Variants in PLEKHH2 observed in about 807,000 individuals in gnomAD.
PLEKHH2 encodes the protein pleckstrin homology domain-containing family H member 2.
Under a neutral mutation model 187.9 loss-of-function variants are expected in PLEKHH2, and 129 were observed. The ratio of observed to expected loss-of-function variants is 0.69; its 90% confidence interval spans 0.59 to 0.79. The LOEUF (loss-of-function observed/expected upper bound fraction) is 0.79, where lower values mean the gene tolerates loss of function less well. Among genes scored for constraint, PLEKHH2 ranks in the 30% least tolerant of loss-of-function variants. The probability of loss-of-function intolerance (pLI) is 0.00; values close to 1 mark genes in which losing one functional copy is unlikely to be tolerated. For synonymous variants in PLEKHH2, 686 were observed against 605.6 expected, an observed-to-expected ratio of 1.13 and a Z score of -1.95; for missense variants, 2,076 against 1,751.2, an observed-to-expected ratio of 1.19 and a Z score of -3.31.
intron 1 of PLEKHH2, among the ~76,000 whole-genome samples, chr2:43,638,236 G>C (rs953604734): frequency 6.7e-6 from 1 of 148,788 alleles, no homozygotes; most frequent in Non-Finnish European, 1.5e-5. Context: ...GTCTCGTCGA[G>C]AAAGATCTTT....
At position 43,692,691 on chromosome 2, in the gene PLEKHH2, A is replaced by T. The variant is rs377246252; in HGVS notation, c.336+28A>T. Reference sequence around the variant, plus strand: ...TAGGAAGAATTTGATAAAGAGTTCTAAGTGTGTGCACTCATTTGTGCATAA... The same window carrying T: ...TAGGAAGAATTTGATAAAGAGTTCTTAGTGTGTGCACTCATTTGTGCATAA... On this transcript the variant is annotated intron_variant, in intron 4 of 29. Coordinates refer to ENST00000282406, the MANE Select transcript of PLEKHH2 (RefSeq NM_172069.4). 5.6e-6 allele frequency: 9 copies of T among 1,599,468 alleles called. No individual in the cohort carries two copies. The African/African-American group carries it at 1.2e-4, about 22-fold the overall frequency.
chr2:43,693,161 C>T (rs1002679538), intron 4 of PLEKHH2, among the ~76,000 whole-genome samples: 2 of 151,976 alleles, frequency 1.3e-5, no homozygotes, highest in Admixed American at 1.3e-4. Context: ...TCTTGAACTC[C>T]TGATCCACAC....
At position 43,741,529 on chromosome 2, in the gene PLEKHH2, T is replaced by C. The variant is rs112234485; in HGVS notation, c.3221+486T>C. 4.7e-4 allele frequency among the ~76,000 whole-genome samples: 71 copies of C among 152,322 alleles called. 1 individual carries two copies. Among genetic ancestry groups the C allele is most frequent in the African/African-American group, 1.1e-3 (46 of 41,574 alleles). ...CAACTTCCAGAATGGCTTTCTTACA[T>C]TGGGACCCAGGTCACTCAGCCAAGG... On this transcript the variant is annotated intron_variant, in intron 21 of 29. Transcript: ENST00000282406.
intron 27 of PLEKHH2, among the ~76,000 whole-genome samples, 183 bp from the exon 28 acceptor site, chr2:43,762,121 T>G (rs868519751): frequency 1.2e-4 from 19 of 152,344 alleles, no homozygotes; most frequent in South Asian, 2.1e-4. Flanking sequence ...CTAGGTCTCC[T>G]AATATCGAAT....
intron 6 of PLEKHH2, among the ~76,000 whole-genome samples, chr2:43,696,302 A>C (rs7574185): frequency 6.6e-6 from 1 of 151,636 alleles, no homozygotes; most frequent in Non-Finnish European, 1.5e-5. Context: ...GTGAGACCCC[A>C]TCGCTACAAA....
chr2:43,694,378 T>G, intron 4 of PLEKHH2, 53 bp from the exon 5 acceptor site: 2 of 1,500,438 alleles, frequency 1.3e-6, no homozygotes, highest in South Asian at 2.6e-5. Flanking sequence ...GTAAAACATT[T>G]CCAGACCATT....
chr2:43,719,144 G>C (rs908018508), intron 15 of PLEKHH2, among the ~76,000 whole-genome samples: 2 of 152,008 alleles, frequency 1.3e-5, no homozygotes, highest in African/African-American at 4.8e-5. Context: ...TGATTTAATT[G>C]TCTGTCTTCT....
intron 18 of PLEKHH2, among the ~76,000 whole-genome samples, chr2:43,730,728 C>G (rs1379231615): frequency 6.6e-6 from 1 of 152,092 alleles, no homozygotes; most frequent in Non-Finnish European, 1.5e-5. Flanking sequence ...TAAGGTTCCC[C>G]CACTGAGAGA....
intron 3 of PLEKHH2, among the ~76,000 whole-genome samples, chr2:43,688,962 C>T (rs1367439720): frequency 6.6e-6 from 1 of 151,886 alleles, no homozygotes; most frequent in African/African-American, 2.4e-5. Flanking sequence ...CTCCAGCCCA[C>T]CCAGAGGTCA....
chr2:43,710,584 C>CTTTTTTTT lies in PLEKHH2; in HGVS notation c.2301+26_2301+33dup, dbSNP rs376851824. 481 of 1,242,482 alleles carry CTTTTTTTT rather than the reference C, an allele frequency of 3.9e-4. 1 individual carries two copies. Among genetic ancestry groups the CTTTTTTTT allele is most frequent in the South Asian group, 1.1e-3 (56 of 52,976 alleles). The allele number at this position is 1,242,482 out of a possible 1,614,324, so 77.0% of individuals were successfully genotyped here. A position where few individuals can be genotyped will look rare whatever the true frequency, so the allele number is the denominator to read the frequency against. ...ACAAACAAACAGTTCAGGTACTTAA[C>CTTTTTTTT]TTTTTTTTTTTTTTTTTTTTTTTTG... is the stretch of plus-strand genomic sequence containing the variant. On this transcript the variant is annotated intron_variant, in intron 14 of 29. Coordinates refer to ENST00000282406, the MANE Select transcript of PLEKHH2 (RefSeq NM_172069.4).
intron 18 of PLEKHH2, among the ~76,000 whole-genome samples, chr2:43,730,168 C>T (rs1414098660): frequency 2.0e-5 from 3 of 152,204 alleles, no homozygotes; most frequent in Non-Finnish European, 4.4e-5. Context: ...GCTTGGCCAA[C>T]CTGCAACCCA....
At chr2:43,683,369 T>A (rs1291397017) in intron 3 of PLEKHH2, among the ~76,000 whole-genome samples, 1 of 151,924 alleles carries the variant, frequency 6.6e-6, no homozygotes, top group East Asian at 1.9e-4. Context: ...AAACTCCTGA[T>A]TTCAGGTGAT....
rs191304167 is a variant in PLEKHH2 at position 43,671,017 on chromosome 2, C to T, written c.124-7846C>T. Among the ~76,000 whole-genome samples the T allele has an allele frequency of 3.9e-3, 590 of 151,146 alleles. 4 individuals are homozygous for T. The highest frequency in any genetic ancestry group is 5.2e-3 in the Non-Finnish European group (356 of 67,822). On this transcript the variant is annotated intron_variant, in intron 2 of 29. Transcript: ENST00000282406. ...TTTTTTTTTTGAGATGAAGTGTCGC[C>T]CTTGTCCCCCAGGCTGGAGTGTGAT... is the stretch of plus-strand genomic sequence containing the variant.
chr2:43,657,634 T>TA (rs375131486), intron 2 of PLEKHH2, among the ~76,000 whole-genome samples: 6 of 152,226 alleles, frequency 3.9e-5, no homozygotes, highest in African/African-American at 1.4e-4. Flanking sequence ...GGATAGGAGT[T>TA]ACTGGATCAC....
At chr2:43,764,810 C>A (rs560980761) in intron 29 of PLEKHH2, among the ~76,000 whole-genome samples, 4 of 152,160 alleles carry the variant, frequency 2.6e-5, no homozygotes, top group Non-Finnish European at 5.9e-5. Flanking sequence ...TGCTCCTTTA[C>A]GACTTTTAAC....
At chr2:43,711,106 C>G (rs1669942087) in intron 14 of PLEKHH2, 2 of 985,764 alleles carry the variant, frequency 2.0e-6, no homozygotes, top group South Asian at 9.4e-5. Context: ...TAAGGCCAGT[C>G]TTGCCAGAAA....
At chr2:43,656,977 C>T (rs574508777) in intron 2 of PLEKHH2, among the ~76,000 whole-genome samples, 4 of 152,180 alleles carry the variant, frequency 2.6e-5, no homozygotes, top group Non-Finnish European at 5.9e-5. Context: ...CGAGATCGCG[C>T]CATTGCACTC....
At chr2:43,744,590 G>A (rs144389745) in intron 23 of PLEKHH2, among the ~76,000 whole-genome samples, 2 of 152,234 alleles carry the variant, frequency 1.3e-5, no homozygotes, top group African/African-American at 2.4e-5. Flanking sequence ...ACCTGTGTCC[G>A]GGTGCAGTGG....
At chr2:43,751,667 T>C (rs887524381) in intron 24 of PLEKHH2, among the ~76,000 whole-genome samples, 5 of 152,362 alleles carry the variant, frequency 3.3e-5, no homozygotes, top group African/African-American at 9.6e-5. Context: ...CCTGCTGTCA[T>C]GGAAGCCCAT....
Sources: gnomAD v4.1 joint callset for allele counts (sites outside exome capture counted in the v4.1 genomes callset) on GRCh38, gnomAD v4.1.1 for gene constraint, MANE v1.5 for transcripts, NCBI Gene and HGNC (gene_info 2026-07-23, HGNC 2026-07-21) for gene names.